The following KCNN2 variants were observed in gnomAD, a reference collection of about 807,000 sequenced individuals.
KCNN2 encodes potassium calcium-activated channel subfamily N member 2.
Under a neutral mutation model 55.5 loss-of-function variants are expected in KCNN2, and 24 were observed. The ratio of observed to expected loss-of-function variants is 0.43; its 90% CI spans 0.31 to 0.61. The LOEUF is 0.61. Ranked by LOEUF, KCNN2 falls within the 20% of genes least tolerant of loss-of-function variation. KCNN2 has a pLI of 0.08. For synonymous variants in KCNN2, 431 were observed against 336.1 expected (o/e 1.28, Z -3.09); for missense variants, 754 against 853.6 (o/e 0.88, Z 1.45).
chr5:114,404,785 A>C lies in KCNN2; in HGVS notation c.1566A>C (p.Pro522=). ...FVMKTLMTIC[P]GTVLLVFSIS... ...TGAAGACTTTAATGACTATATGCCCAGGAACTGTACTCTTGGTTTTTAGTA... is the reference window on the plus strand; with the variant it reads ...TGAAGACTTTAATGACTATATGCCCCGGAACTGTACTCTTGGTTTTTAGTA... The change falls in exon 3 of 8, where the codon CCA becomes CCC. Residue 522 remains proline, a synonymous_variant. Transcript: ENST00000673685. 6.2e-7 allele frequency: 1 copy of C among 1,613,998 alleles called. No individual in the cohort carries two copies. The highest frequency in any genetic ancestry group is 1.6e-4 in the Middle Eastern group (1 of 6,062).
intron 1 of KCNN2, among the ~76,000 whole-genome samples, chr5:114,059,616 TCTG>T (rs1750284716): frequency 6.6e-6 from 1 of 152,210 alleles, no homozygotes; most frequent in African/African-American, 2.4e-5. Flanking sequence ...AGCCCAGGTT[TCTG>T]ATGCTGCTGG....
At chr5:114,094,579 GA>G (rs1458014793) in intron 1 of KCNN2, among the ~76,000 whole-genome samples, 1 of 152,140 alleles carries the variant, frequency 6.6e-6, no homozygotes, top group African/African-American at 2.4e-5. Flanking sequence ...TGAACAATAA[GA>G]AAAGAAAAGG....
At chr5:114,480,929 A>T (rs1438750212) in intron 5 of KCNN2, among the ~76,000 whole-genome samples, 1 of 152,212 alleles carries the variant, frequency 6.6e-6, no homozygotes, top group Non-Finnish European at 1.5e-5. Context: ...AAAAGCCAGA[A>T]GCATTCCCCT....
At chr5:114,365,054 A>C (rs1757560894) in intron 2 of KCNN2, among the ~76,000 whole-genome samples, 1 of 152,098 alleles carries the variant, frequency 6.6e-6, no homozygotes, top group African/African-American at 2.4e-5. Context: ...TATTAATTTA[A>C]ATTAAATTAA....
chr5:114,389,321 T>G (rs1259684602), intron 2 of KCNN2, among the ~76,000 whole-genome samples: 1 of 152,192 alleles, frequency 6.6e-6, no homozygotes, highest in Admixed American at 6.5e-5. Flanking sequence ...GTGTCCTTCC[T>G]GAAAAGATTT....
intron 1 of KCNN2, among the ~76,000 whole-genome samples, chr5:114,161,734 C>T (rs569321411): frequency 4.6e-5 from 7 of 152,264 alleles, no homozygotes; most frequent in Non-Finnish European, 8.8e-5. Context: ...CTTCTTTTCT[C>T]GCTTCATTTC....
intron 1 of KCNN2, among the ~76,000 whole-genome samples, chr5:114,194,584 G>A (rs917906206): frequency 2.6e-5 from 4 of 151,968 alleles, no homozygotes; most frequent in Admixed American, 6.6e-5. Context: ...GGTTTGTTAC[G>A]TATTCTGAAT....
intron 1 of KCNN2, among the ~76,000 whole-genome samples, chr5:114,204,428 C>T (rs967435082): frequency 1.1e-4 from 16 of 152,116 alleles, no homozygotes; most frequent in African/African-American, 3.6e-4. Flanking sequence ...TATTCAGACC[C>T]GGAAAAGCCA....
chr5:114,163,227 C>T (rs879539996), intron 1 of KCNN2, among the ~76,000 whole-genome samples: 1 of 152,146 alleles, frequency 6.6e-6, no homozygotes, highest in Non-Finnish European at 1.5e-5. Flanking sequence ...AGGATCATGT[C>T]GTCTGCAAAC....
intron 1 of KCNN2, among the ~76,000 whole-genome samples, chr5:114,121,477 A>G (rs191639230): frequency 1.4e-4 from 21 of 152,240 alleles, no homozygotes; most frequent in African/African-American, 4.8e-4. Context: ...ATACGGACCT[A>G]TATACTGGCT....
intron 2 of KCNN2, among the ~76,000 whole-genome samples, chr5:114,296,932 T>G (rs1756022461): frequency 6.6e-6 from 1 of 152,230 alleles, no homozygotes; most frequent in Non-Finnish European, 1.5e-5. Flanking sequence ...TCTATTTATA[T>G]GCAGCCTTGG....
At chr5:114,339,143 G>C (rs374631213) in intron 2 of KCNN2, among the ~76,000 whole-genome samples, 3 of 152,152 alleles carry the variant, frequency 2.0e-5, no homozygotes, top group African/African-American at 7.2e-5. Flanking sequence ...CATCACAAAG[G>C]TTCCCTAAGA....
chr5:114,384,482 C>T (rs902557577), intron 2 of KCNN2, among the ~76,000 whole-genome samples: 43 of 152,114 alleles, frequency 2.8e-4, no homozygotes, highest in African/African-American at 9.2e-4. Context: ...AATAAAATCT[C>T]GATGTTATCT....
chr5:114,484,624 A>G (rs1283947076), intron 5 of KCNN2, among the ~76,000 whole-genome samples: 3 of 152,128 alleles, frequency 2.0e-5, no homozygotes, highest in Non-Finnish European at 4.4e-5. Flanking sequence ...TTTCAACCCT[A>G]GATGGAAAGG....
At chr5:114,439,672 A>C (rs893365888) in intron 3 of KCNN2, among the ~76,000 whole-genome samples, 10 of 152,206 alleles carry the variant, frequency 6.6e-5, no homozygotes, top group Non-Finnish European at 1.0e-4. Context: ...ACTATGTACT[A>C]ATAGAACTTG....
At chr5:114,220,825 C>CA (rs11311434) in intron 1 of KCNN2, among the ~76,000 whole-genome samples, 10,402 of 91,516 alleles carry the variant, frequency 0.11, 540 homozygotes, top group Middle Eastern at 0.17. Flanking sequence ...GACTCCATCT[C>CA]AAAAAAAAAA....
intron 3 of KCNN2, among the ~76,000 whole-genome samples, chr5:114,433,053 G>A (rs987473747): frequency 6.6e-6 from 1 of 152,210 alleles, no homozygotes; most frequent in African/African-American, 2.4e-5. Context: ...CCACCCAAGG[G>A]CTGAGTAGTG....
chr5:114,372,536 TATATA>T (rs1757793643), intron 2 of KCNN2, among the ~76,000 whole-genome samples: 1 of 152,206 alleles, frequency 6.6e-6, no homozygotes, highest in Non-Finnish European at 1.5e-5. Flanking sequence ...GTAATTTTAG[TATATA>T]ATATAAGCTT....
chr5:114,358,272 C>G (rs1201358214), upstream of KCNN2, among the ~76,000 whole-genome samples: 1 of 151,470 alleles, frequency 6.6e-6, no homozygotes, highest in Non-Finnish European at 1.5e-5. Context: ...AAGAAAAAAA[C>G]AAACAACCCC....
Sources: gnomAD v4.1 joint callset for allele counts (sites outside exome capture counted in the v4.1 genomes callset) on GRCh38, gnomAD v4.1.1 for gene constraint, MANE v1.5 for transcripts, NCBI Gene and HGNC (gene_info 2026-07-23, HGNC 2026-07-21) for gene names.